Variants in CCDC102B observed in about 807,000 individuals in gnomAD.
CCDC102B encodes coiled-coil domain containing 102B.
In CCDC102B, 75 loss-of-function variants were observed where a neutral mutation model predicts 57.4. The ratio of observed to expected loss-of-function variants is 1.31; its 90% CI spans 1.08 to 1.58. CCDC102B has a LOEUF of 1.58. CCDC102B is among the 40% of genes most tolerant of loss of function. The pLI, the probability that CCDC102B is intolerant of heterozygous loss-of-function variation, is 0.00. For synonymous variants in CCDC102B, 206 were observed against 201.9 expected (o/e 1.02, Z -0.17); for missense variants, 636 against 582.6 (o/e 1.09, Z -0.94).
At chr18:68,916,765 A>G (rs895734897) in intron 6 of CCDC102B, among the ~76,000 whole-genome samples, 10 of 152,212 alleles carry the variant, frequency 6.6e-5, no homozygotes, top group Non-Finnish European at 1.3e-4. Flanking sequence ...GTTACAAATT[A>G]GTACATTCGT....
At chr18:68,727,001 A>G (rs1296194553) in intron 2 of CCDC102B, among the ~76,000 whole-genome samples, 1 of 152,152 alleles carries the variant, frequency 6.6e-6, no homozygotes, top group East Asian at 1.9e-4. Context: ...CTCAGACTAA[A>G]TGAGAGAACT....
intron 1 of CCDC102B, among the ~76,000 whole-genome samples, chr18:68,800,087 C>A (rs1042525316): frequency 6.6e-6 from 1 of 152,104 alleles, no homozygotes; most frequent in African/African-American, 2.4e-5. Context: ...ATTTTGATAG[C>A]TTTGCAAGAA....
At chr18:68,874,220 A>G (rs2144930222) in intron 4 of CCDC102B, among the ~76,000 whole-genome samples, 1 of 142,322 alleles carries the variant, frequency 7.0e-6, no homozygotes, top group Non-Finnish European at 1.5e-5. Context: ...GTGTATATAT[A>G]TATACTTTAT....
At chr18:68,988,407 G>A (rs959130119) in intron 6 of CCDC102B, among the ~76,000 whole-genome samples, 1 of 44 alleles carries the variant, frequency 0.023, no homozygotes, top group African/African-American at 0.1. Context: ...GCGGAGGGTG[G>A]GAGGGTATGG....
Position 68,764,918 on chromosome 18 carries a change from G to A in CCDC102B, c.-67+48324G>A, listed in dbSNP as rs548126481. ...AAAAAATAGCTGGGCGTGGTGGCACGGATCTGTAGTCCCAGCTACCTTGGA... is the reference window on the plus strand; with the variant it reads ...AAAAAATAGCTGGGCGTGGTGGCACAGATCTGTAGTCCCAGCTACCTTGGA... On this transcript the variant is annotated intron_variant, in intron 2 of 3. Transcript: ENST00000578970. Among the ~76,000 whole-genome samples the A allele has an allele frequency of 2.6e-3, 394 of 151,604 alleles. 6 individuals are homozygous for A. The highest frequency in any genetic ancestry group is 6.3e-4 in the Non-Finnish European group (43 of 67,886).
At chr18:68,719,480 A>G (rs989954631) in intron 2 of CCDC102B, among the ~76,000 whole-genome samples, 3 of 152,188 alleles carry the variant, frequency 2.0e-5, no homozygotes, top group African/African-American at 7.2e-5. Context: ...AACCAGGAGT[A>G]GTGATATCCA....
intron 6 of CCDC102B, among the ~76,000 whole-genome samples, chr18:68,947,185 C>A (rs2049563908): frequency 6.6e-6 from 1 of 151,688 alleles, no homozygotes; most frequent in Non-Finnish European, 1.5e-5. Context: ...TTCCATCCCC[C>A]ACCAAGAGAT....
intron 7 of CCDC102B, among the ~76,000 whole-genome samples, chr18:69,039,081 C>T (rs17080116): frequency 0.057 from 8,709 of 151,950 alleles, 384 homozygotes; most frequent in East Asian, 0.16. Flanking sequence ...GTGCTTACCA[C>T]GTTGCAACCA....
At chr18:68,823,721 G>A (rs148133849) in intron 1 of CCDC102B, among the ~76,000 whole-genome samples, 163 of 152,146 alleles carry the variant, frequency 1.1e-3, no homozygotes, top group African/African-American at 3.8e-3. Flanking sequence ...AGCATCTGTC[G>A]TTTTTGGACT....
intron 2 of CCDC102B, among the ~76,000 whole-genome samples, chr18:68,760,660 G>A (rs2034224842): frequency 6.6e-6 from 1 of 151,992 alleles, no homozygotes; most frequent in African/African-American, 2.4e-5. Context: ...GCAAATGCGT[G>A]GTGCTATGGG....
At chr18:68,847,516 AT>A (rs1247963286) in intron 4 of CCDC102B, among the ~76,000 whole-genome samples, 1 of 151,934 alleles carries the variant, frequency 6.6e-6, no homozygotes, top group Non-Finnish European at 1.5e-5. Flanking sequence ...TTTGAGTAAC[AT>A]TTATGTAGCA....
intron 7 of CCDC102B, among the ~76,000 whole-genome samples, chr18:69,048,720 A>G (rs1055316760): frequency 6.6e-6 from 1 of 151,518 alleles, no homozygotes; most frequent in African/African-American, 2.4e-5. Flanking sequence ...CTTAAAAAAA[A>G]CTCCCCTCCC....
At chr18:68,858,651 G>A (rs1486051631) in intron 4 of CCDC102B, among the ~76,000 whole-genome samples, 1 of 152,086 alleles carries the variant, frequency 6.6e-6, no homozygotes, top group African/African-American at 2.4e-5. Flanking sequence ...CCGTCACTTT[G>A]AGGTACGCCT....
At chr18:69,033,897 G>A (rs376851740) in intron 7 of CCDC102B, among the ~76,000 whole-genome samples, 2 of 151,806 alleles carry the variant, frequency 1.3e-5, no homozygotes, top group East Asian at 3.9e-4. Flanking sequence ...TCCTCCTTTG[G>A]TGTGAAGTGG....
At chr18:68,895,979 A>G (rs1235846751) in intron 5 of CCDC102B, among the ~76,000 whole-genome samples, 1 of 151,960 alleles carries the variant, frequency 6.6e-6, no homozygotes, top group Non-Finnish European at 1.5e-5. Context: ...TTTAAGTGTT[A>G]CATTGCTAGA....
chr18:68,899,122 G>C (rs199624369), intron 6 of CCDC102B, among the ~76,000 whole-genome samples: 1 of 8 alleles, frequency 0.12, no homozygotes, highest in Admixed American at 0.5. Flanking sequence ...TGAGGGTGGT[G>C]GTTGGTGATT....
chr18:69,032,106 T>A (rs1457259875), intron 7 of CCDC102B, among the ~76,000 whole-genome samples: 1 of 152,130 alleles, frequency 6.6e-6, no homozygotes, highest in Non-Finnish European at 1.5e-5. Flanking sequence ...GGACAAAAAA[T>A]GTCAATTCCA....
At chr18:68,952,773 T>G (rs1412535557) in intron 6 of CCDC102B, among the ~76,000 whole-genome samples, 1 of 152,178 alleles carries the variant, frequency 6.6e-6, no homozygotes, top group Non-Finnish European at 1.5e-5. Context: ...CAAGAATATG[T>G]GCCAACAAAA....
At chr18:69,027,175 C>G (rs143014527) in intron 7 of CCDC102B, among the ~76,000 whole-genome samples, 8 of 152,260 alleles carry the variant, frequency 5.3e-5, no homozygotes, top group African/African-American at 1.9e-4. Flanking sequence ...CAGATGTCAA[C>G]CTGGGCTCAC....
Sources: allele counts gnomAD v4.1 joint callset (sites outside exome capture counted in the v4.1 genomes callset), GRCh38; gene constraint gnomAD v4.1.1; transcripts MANE v1.5; gene names NCBI Gene and HGNC (gene_info 2026-07-23, HGNC 2026-07-21).